Variants in GSE1 observed in about 807,000 individuals in gnomAD.
GSE1 encodes the protein genetic suppressor element 1.
Under a neutral mutation model 112.6 loss-of-function variants are expected in GSE1, and 32 were observed. The ratio of observed to expected loss-of-function variants is 0.28; its 90% CI spans 0.21 to 0.38. The LOEUF is 0.38. GSE1 is among the 10% of genes least tolerant of loss of function. The pLI is 1.00. For synonymous variants in GSE1, 1,115 were observed against 735.6 expected, an observed-to-expected ratio of 1.52 and a Z score of -8.35; for missense variants, 2,348 against 1,699.2, an observed-to-expected ratio of 1.38 and a Z score of -6.71.
At chr16:85,328,282 G>A (rs1597399829) in intron 1 of GSE1, among the ~76,000 whole-genome samples, 1 of 152,216 alleles carries the variant, frequency 6.6e-6, no homozygotes, top group South Asian at 2.1e-4. Context: ...TGTCCAGGGT[G>A]GGGCTGTCAC....
At chr16:85,331,703 ATATATTT>A (rs1293807642) in intron 1 of GSE1, among the ~76,000 whole-genome samples, 2,158 of 40,558 alleles carry the variant, frequency 0.053, 139 homozygotes, top group East Asian at 0.14. Context: ...ATATATATAT[ATATATTT>A]TTTTTTTTTT....
Position 85,246,434 on chromosome 16 carries a change from T to TACACAC in GSE1, c.2283+74648_2283+74653dup, listed in dbSNP as rs141045364. Among the ~76,000 whole-genome samples, 207 of 44,450 alleles carry TACACAC rather than the reference T, an allele frequency of 4.7e-3. 4 individuals carry two copies. Among genetic ancestry groups the TACACAC allele is most frequent in the Admixed American group, 0.011 (30 of 2,698 alleles). The allele number at this position is 44,450 out of a possible 152,430, so 29.2% of individuals were successfully genotyped here. On this transcript the variant is annotated intron_variant, in intron 1 of 2. Coordinates refer to the GSE1 transcript ENST00000637419. ...ACACACACACACACCCCATGCTCTCTACACACACACACACACACACACACA... is the reference window on the plus strand; with the variant it reads ...ACACACACACACACCCCATGCTCTCTACACACACACACACACACACACACACACACA...
chr16:85,283,781 A>T (rs61265613), intron 1 of GSE1, among the ~76,000 whole-genome samples: 44,704 of 152,202 alleles, frequency 0.29, 7,809 homozygotes, highest in Non-Finnish European at 0.41. Context: ...AACAGCCCCT[A>T]AGGGGTAGAG....
At chr16:85,636,694 G>T (rs1173363599) in intron 2 of GSE1, among the ~76,000 whole-genome samples, 1 of 152,248 alleles carries the variant, frequency 6.6e-6, no homozygotes. Context: ...TTCCCGGGGG[G>T]GGGCTGGGAG....
At chr16:85,643,747 G>C (rs1217199304) in intron 2 of GSE1, among the ~76,000 whole-genome samples, 1 of 152,162 alleles carries the variant, frequency 6.6e-6, no homozygotes, top group African/African-American at 2.4e-5. Flanking sequence ...CTTGGCACGT[G>C]GTGGGGCTCG....
upstream of GSE1, chr16:85,555,493 T>G (rs1190390612): frequency 1.0e-6 from 1 of 985,028 alleles, no homozygotes; most frequent in East Asian, 1.1e-4. Flanking sequence ...GCCTCTTTTA[T>G]TTACGAGAAG....
chr16:85,352,533 C>G (rs1345543072), intron 1 of GSE1, among the ~76,000 whole-genome samples: 2 of 152,136 alleles, frequency 1.3e-5, no homozygotes, highest in Non-Finnish European at 2.9e-5. Flanking sequence ...TAAATCCAGA[C>G]CCACTGTGGG....
At chr16:85,651,114 A>G (rs908812443) in intron 3 of GSE1, among the ~76,000 whole-genome samples, 1 of 118,396 alleles carries the variant, frequency 8.4e-6, no homozygotes, top group Non-Finnish European at 1.8e-5. Flanking sequence ...TCATCGTTGC[A>G]GCTGCGGCTG....
At chr16:85,175,120 A>G (rs972862482) in intron 1 of GSE1, among the ~76,000 whole-genome samples, 1 of 152,246 alleles carries the variant, frequency 6.6e-6, no homozygotes, top group Non-Finnish European at 1.5e-5. Flanking sequence ...AAGAGGAAAC[A>G]TGAGAAAAAT....
chr16:85,489,414 C>T lies in GSE1; in HGVS notation c.2464+131771C>T, dbSNP rs561903197. Among the ~76,000 whole-genome samples the T allele has an allele frequency of 5.0e-4, 76 of 152,222 alleles. 1 individual carries two copies. The highest frequency in any genetic ancestry group is 3.4e-3 in the Middle Eastern group (1 of 294). ...GAAACCAGGTGGTACATGGCTCCAG[C>T]ACCATCTGCCTCTGCAGTTCTCAGA... is the stretch of plus-strand genomic sequence containing the variant. On this transcript the variant is annotated intron_variant, in intron 2 of 2. Coordinates refer to the GSE1 transcript ENST00000637419.
chr16:85,246,984 G>C (rs899791858), intron 1 of GSE1, among the ~76,000 whole-genome samples: 19 of 152,086 alleles, frequency 1.2e-4, no homozygotes, highest in Non-Finnish European at 1.5e-5. Flanking sequence ...AATTTTAAGT[G>C]GCTCGGGGGT....
chr16:85,540,116 G>A (rs1249740902), intron 2 of GSE1, among the ~76,000 whole-genome samples: 1 of 152,230 alleles, frequency 6.6e-6, no homozygotes, highest in African/African-American at 2.4e-5. Flanking sequence ...ACTGGGAAGT[G>A]TGGTTTGTTG....
chr16:85,188,491 G>A (rs575171209), intron 1 of GSE1, among the ~76,000 whole-genome samples: 7 of 152,056 alleles, frequency 4.6e-5, no homozygotes, highest in South Asian at 2.1e-4. Context: ...TGAATCAGGA[G>A]GGCTACTTTT....
At chr16:85,479,895 C>T (rs987039301) in intron 2 of GSE1, among the ~76,000 whole-genome samples, 3 of 152,170 alleles carry the variant, frequency 2.0e-5, no homozygotes, top group African/African-American at 7.2e-5. Context: ...TATAGTTCTG[C>T]AGCATCGAGG....
At chr16:85,277,641 C>T (rs1001787679) in intron 1 of GSE1, among the ~76,000 whole-genome samples, 3 of 152,240 alleles carry the variant, frequency 2.0e-5, no homozygotes, top group Non-Finnish European at 4.4e-5. Flanking sequence ...GGAAGAGCCC[C>T]TGGGCTGCAG....
At chr16:85,432,311 A>G (rs944155757) in intron 2 of GSE1, among the ~76,000 whole-genome samples, 2 of 152,358 alleles carry the variant, frequency 1.3e-5, no homozygotes, top group South Asian at 2.1e-4. Context: ...CTGAGGATGC[A>G]CTTGAAATCA....
chr16:85,186,149 G>T (rs1311849493), intron 1 of GSE1, among the ~76,000 whole-genome samples: 1 of 152,144 alleles, frequency 6.6e-6, no homozygotes, highest in Admixed American at 6.5e-5. Flanking sequence ...GTGAGATTTT[G>T]TCCTGATTTC....
Position 85,311,170 on chromosome 16 carries a change from G to A in GSE1, c.2284-46293G>A, listed in dbSNP as rs538626593. On this transcript the variant is annotated intron_variant, in intron 1 of 2. Coordinates refer to the GSE1 transcript ENST00000637419. The surrounding 1 kb of genome is among the most constrained non-coding windows in gnomAD (Gnocchi z 4.2). ...TGGTCCCAAATTCCAGAGGCCCATC[G>A]GATGCCCCTGGTTCCCAGGGTGCCC... Among the ~76,000 whole-genome samples the A allele has an allele frequency of 9.9e-5, 15 of 152,176 alleles. No homozygotes were observed. The highest frequency in any genetic ancestry group is 2.1e-4 in the South Asian group (1 of 4,830).
chr16:85,220,163 C>T (rs563549796), intron 1 of GSE1, among the ~76,000 whole-genome samples: 4 of 152,238 alleles, frequency 2.6e-5, no homozygotes, highest in Admixed American at 6.5e-5. Flanking sequence ...ACATTTTCCC[C>T]TCTGGGCCAG....
Sources: gnomAD v4.1 joint callset for allele counts (sites outside exome capture counted in the v4.1 genomes callset) on GRCh38, gnomAD v4.1.1 for gene constraint, Gnocchi (gnomAD v3.1) non-coding constraint, MANE v1.5 for transcripts, NCBI Gene and HGNC (gene_info 2026-07-23, HGNC 2026-07-21) for gene names.